The following NSD1 variants were observed in gnomAD, a reference collection of about 807,000 sequenced individuals.
NSD1 encodes nuclear receptor binding SET domain protein 1, also known as histone-lysine N-methyltransferase, H3 lysine-36 specific.
A neutral mutation model predicts 242.7 loss-of-function variants in NSD1; 26 were observed. The ratio of observed to expected loss-of-function variants is 0.11; its 90% confidence interval spans 0.08 to 0.15. NSD1 has a LOEUF of 0.15. NSD1 is among the 10% of genes least tolerant of loss of function. NSD1 has a pLI of 1.00. For missense variants in NSD1, 2,495 were observed against 3,272.8 expected (o/e 0.76, Z 5.80); for synonymous variants, 1,106 against 1,178.1 (o/e 0.94, Z 1.25).
chr5:177,260,611 G>A (rs928826499), intron 14 of NSD1, among the ~76,000 whole-genome samples: 1 of 152,068 alleles, frequency 6.6e-6, no homozygotes, highest in African/African-American at 2.4e-5. Context: ...GCCTCCCAAA[G>A]TGCTGGGATT....
At chr5:177,233,023 A>G (rs936975955) in intron 5 of NSD1, among the ~76,000 whole-genome samples, 2 of 152,212 alleles carry the variant, frequency 1.3e-5, no homozygotes, top group African/African-American at 4.8e-5. Flanking sequence ...TAAACTTGCT[A>G]TGATAGGCAA....
At chr5:177,280,483 GA>G (rs1562292565) in intron 17 of NSD1, 81 bp from the exon 18 acceptor site, 13 of 1,542,922 alleles carry the variant, frequency 8.4e-6, no homozygotes, top group South Asian at 2.2e-5. Context: ...CAACTTCAAG[GA>G]AAAAAAGTTT....
chr5:177,288,616 GTTAAGCCAT>G (rs1201277241), intron 20 of NSD1, 194 bp from the exon 21 acceptor site: 1 of 529,624 alleles, frequency 1.9e-6, no homozygotes, highest in African/African-American at 1.9e-5. Flanking sequence ...AATATTACTT[GTTAAGCCAT>G]TTAAGTTTTC....
intron 5 of NSD1, among the ~76,000 whole-genome samples, chr5:177,228,520 G>C (rs1764811420): frequency 6.6e-6 from 1 of 151,876 alleles, no homozygotes; most frequent in Non-Finnish European, 1.5e-5. Context: ...CCCGGCCTAG[G>C]CTGAATGATC....
chr5:177,168,336 GGTTT>G (rs568478791), intron 2 of NSD1, among the ~76,000 whole-genome samples: 122 of 152,050 alleles, frequency 8.0e-4, no homozygotes, highest in Non-Finnish European at 1.3e-3. Context: ...ACTTATGATG[GGTTT>G]GTTGGGACTT....
intron 2 of NSD1, among the ~76,000 whole-genome samples, chr5:177,173,437 T>C (rs1759893771): frequency 6.6e-6 from 1 of 151,342 alleles, no homozygotes; most frequent in Non-Finnish European, 1.5e-5. Context: ...ATGTCTTACA[T>C]TGCAGAATCT....
chr5:177,235,447 A>G (rs1250707762), intron 5 of NSD1, among the ~76,000 whole-genome samples: 2 of 152,128 alleles, frequency 1.3e-5, no homozygotes, highest in Admixed American at 1.3e-4. Flanking sequence ...TTAGCCTGTA[A>G]CTCAAGATGT....
chr5:177,217,784 C>T (rs1763902355), intron 5 of NSD1, among the ~76,000 whole-genome samples: 1 of 151,476 alleles, frequency 6.6e-6, no homozygotes, highest in African/African-American at 2.4e-5. Flanking sequence ...TCTCCTGCCT[C>T]AGGCTCCTGA....
chr5:177,254,460 C>T (rs1413290029), intron 12 of NSD1, among the ~76,000 whole-genome samples: 10 of 151,648 alleles, frequency 6.6e-5, no homozygotes, highest in Admixed American at 4.6e-4. Context: ...AGTGCAGTGG[C>T]GTGATCTCAG....
chr5:177,132,340 G>C (rs899740577), upstream of NSD1, among the ~76,000 whole-genome samples: 31 of 151,294 alleles, frequency 2.0e-4, no homozygotes, highest in African/African-American at 7.3e-4. The surrounding 1 kb of genome is among the most constrained non-coding windows in gnomAD (Gnocchi z 7.5). Context: ...CAGCGTCCGC[G>C]GTGCGAGGCG....
intron 14 of NSD1, chr5:177,266,816 C>A: frequency 4.8e-6 from 1 of 209,994 alleles, no homozygotes. Flanking sequence ...TTTTTGGCAA[C>A]AAAATAAAAT....
In NSD1 at chr5:177,299,475, G is replaced by A. The variant is rs922551071; in HGVS notation, c.*4016G>A. 4.3e-6 allele frequency: 1 copy of A among 233,186 alleles called. No homozygotes were observed. 14.4% of individuals were successfully genotyped at this position (233,186 alleles called of 1,614,324 possible). A position where few individuals can be genotyped will look rare whatever the true frequency, so the allele number is the denominator to read the frequency against. On this transcript the variant is annotated 3_prime_UTR_variant, in exon 23 of 23. Transcript: ENST00000439151. ...CCATAGCCTCCGTCCACGCTGCCTG[G>A]AGCAGGTTGTTAGAGAGCTCTGGTT... is the stretch of plus-strand genomic sequence containing the variant.
Position 177,207,824 on chromosome 5 carries a change from C to T in NSD1, c.1237-1812C>T, listed in dbSNP as rs145513305. On this transcript the variant is annotated intron_variant, in intron 4 of 22. Coordinates refer to ENST00000439151, the MANE Select transcript of NSD1 (RefSeq NM_022455.5). ...GTGGCACGGTTTCGGCACACTGCAACTTTCACCTCCTGGGCACAAATGATC... is the reference window on the plus strand; with the variant it reads ...GTGGCACGGTTTCGGCACACTGCAATTTTCACCTCCTGGGCACAAATGATC... Among the ~76,000 whole-genome samples the T allele has an allele frequency of 2.5e-3, 373 of 152,058 alleles. 2 individuals carry two copies. The highest frequency in any genetic ancestry group is 1.0e-2 in the South Asian group (48 of 4,816).
intron 3 of NSD1, among the ~76,000 whole-genome samples, chr5:177,198,986 C>G (rs928496851): frequency 2.0e-5 from 3 of 152,220 alleles, no homozygotes; most frequent in Admixed American, 1.3e-4. Flanking sequence ...ATATTCTAGA[C>G]ATTTCATATG....
Position 177,211,316 on chromosome 5 carries a change from C to G in NSD1, c.2917C>G (p.Gln973Glu), listed in dbSNP as rs1156773906. The G allele has an allele frequency of 6.2e-7, 1 of 1,614,014 alleles. No homozygotes were observed. Among genetic ancestry groups the G allele is most frequent in the East Asian group, 2.2e-5 (1 of 44,876 alleles). The part of the protein sequence containing the change: ...HNSEKKGDGT[Q>E]NSANPSPSGG... ...TTCAGAGAAAAAGGGAGATGGCACT[C>G]AGAACTCCGCCAATCCTAGCCCTAG... is the stretch of plus-strand genomic sequence containing the variant. The change falls in exon 5 of 23, where the codon CAG (glutamine) becomes GAG (glutamate). Residue 973 changes from glutamine (Q) to glutamate (E), a missense_variant. By Grantham distance (29) the Gln-to-Glu change is conservative (BLOSUM62 2). Coordinates refer to ENST00000439151, the MANE Select transcript of NSD1 (RefSeq NM_022455.5).
At chr5:177,254,657 C>G (rs935331555) in intron 12 of NSD1, among the ~76,000 whole-genome samples, 3 of 152,154 alleles carry the variant, frequency 2.0e-5, no homozygotes, top group South Asian at 2.1e-4. Context: ...GCTTTGGCCT[C>G]CCAAACTCCC....
chr5:177,257,222 TTCTTTC>T, intron 13 of NSD1, 71 bp downstream of exon 13: 1 of 1,259,852 alleles, frequency 7.9e-7, no homozygotes, highest in Non-Finnish European at 1.1e-6. Context: ...ATTTTCTTTT[TTCTTTC>T]TTTTTTTTTT....
rs140891370 is a variant in NSD1, at chr5:177,201,016, T to C, written c.1064-3104T>C. ...GGTTCAAGTGATTCTCTTGCCTCAGTTGGGATTACAGGTGCATACCACCAC... is the reference window on the plus strand; with the variant it reads ...GGTTCAAGTGATTCTCTTGCCTCAGCTGGGATTACAGGTGCATACCACCAC... On this transcript the variant is annotated intron_variant, in intron 3 of 22. Transcript: ENST00000439151. 1.8e-4 allele frequency among the ~76,000 whole-genome samples: 28 copies of C among 151,566 alleles called. 1 individual carries two copies. In the East Asian group the frequency reaches 5.4e-3, roughly 29 times the overall value.
intron 2 of NSD1, among the ~76,000 whole-genome samples, chr5:177,165,648 A>G (rs1039331315): frequency 6.6e-6 from 1 of 152,110 alleles, no homozygotes; most frequent in Non-Finnish European, 1.5e-5. Context: ...GCTAGAGTAC[A>G]GTGGTGTGAT....
Sources: allele counts gnomAD v4.1 joint callset (sites outside exome capture counted in the v4.1 genomes callset), GRCh38; gene constraint gnomAD v4.1.1; non-coding constraint Gnocchi (gnomAD v3.1); transcripts MANE v1.5; gene names NCBI Gene and HGNC (gene_info 2026-07-23, HGNC 2026-07-21).